GBF1: variants seen among roughly 807,000 people sequenced by gnomAD.
GBF1 encodes golgi brefeldin A resistant guanine nucleotide exchange factor 1.
A neutral mutation model predicts 210.5 loss-of-function variants in GBF1; 114 were observed. The ratio of observed to expected loss-of-function variants is 0.54; its 90% CI spans 0.47 to 0.63. GBF1 has a LOEUF of 0.63. GBF1 is among the 30% of genes least tolerant of loss of function. The pLI is 0.00. For missense variants in GBF1, 1,851 were observed against 2,357.7 expected, an observed-to-expected ratio of 0.79 and a Z score of 4.45; for synonymous variants, 850 against 889.2, an observed-to-expected ratio of 0.96 and a Z score of 0.78.
At chr10:102,247,485 T>G (rs1341636331) in intron 1 of GBF1, among the ~76,000 whole-genome samples, 1 of 152,330 alleles carries the variant, frequency 6.6e-6, no homozygotes, top group East Asian at 1.9e-4. Context: ...TTGATGATCC[T>G]GCCTTGCTCA....
chr10:102,232,510 C>T, the GBF1 span, among the ~76,000 whole-genome samples: 1 of 152,122 alleles, frequency 6.6e-6, no homozygotes, highest in Non-Finnish European at 1.5e-5. Context: ...TGGTAAAATC[C>T]CGTCCCTACT....
intron 3 of GBF1, among the ~76,000 whole-genome samples, chr10:102,281,911 T>C (rs2075521977): frequency 6.6e-6 from 1 of 151,632 alleles, no homozygotes; most frequent in African/African-American, 2.4e-5. Flanking sequence ...TTCTTTTTCT[T>C]TTCTTTTTTC....
intron 3 of GBF1, among the ~76,000 whole-genome samples, chr10:102,329,934 C>A (rs894433210): frequency 2.0e-5 from 3 of 150,720 alleles, no homozygotes; most frequent in African/African-American, 7.3e-5. Flanking sequence ...CATAGCAAGA[C>A]CCCCTATCTA....
the GBF1 span, chr10:102,232,117 C>T: frequency 1.5e-6 from 2 of 1,315,722 alleles, no homozygotes; most frequent in Non-Finnish European, 2.2e-6. Flanking sequence ...AGACACAGAC[C>T]AGGGTAATGG....
chr10:102,240,880 A>G (rs1590409176), upstream of GBF1, among the ~76,000 whole-genome samples: 1 of 152,196 alleles, frequency 6.6e-6, no homozygotes, highest in Non-Finnish European at 1.5e-5. Flanking sequence ...CCCGGCTCCC[A>G]GCCCCAGGAG....
At chr10:102,236,712 G>C in the GBF1 span, among the ~76,000 whole-genome samples, 2 of 152,236 alleles carry the variant, frequency 1.3e-5, no homozygotes, top group Non-Finnish European at 2.9e-5. Context: ...AAGTCCTGAA[G>C]CCAGAGAGGT....
chr10:102,274,049 CA>C (rs1479419793), intron 3 of GBF1, among the ~76,000 whole-genome samples: 2 of 152,074 alleles, frequency 1.3e-5, no homozygotes, highest in Non-Finnish European at 2.9e-5. Context: ...GGAAGTTCAA[CA>C]AATATTTGTT....
chr10:102,234,721 T>G, the GBF1 span, among the ~76,000 whole-genome samples: 3 of 152,070 alleles, frequency 2.0e-5, no homozygotes, highest in Admixed American at 1.3e-4. Context: ...GGAAGCAACA[T>G]GGAGCTGGGA....
At chr10:102,322,631 T>C (rs541263156) in intron 3 of GBF1, among the ~76,000 whole-genome samples, 3 of 149,354 alleles carry the variant, frequency 2.0e-5, no homozygotes, top group Non-Finnish European at 4.4e-5. Context: ...CCTGTAATTC[T>C]AGCACTTTGG....
At chr10:102,335,225 G>A (rs182309709) in intron 3 of GBF1, among the ~76,000 whole-genome samples, 1 of 152,170 alleles carries the variant, frequency 6.6e-6, no homozygotes, top group Admixed American at 6.5e-5. Flanking sequence ...TCCCCTCCTT[G>A]TGCCCTTTTT....
At position 102,381,169 on chromosome 10, in the gene GBF1, C is replaced by A; in HGVS notation, c.5216C>A (p.Ser1739Ter). Residue 1739 changes from serine to a stop codon, truncating the protein, a stop_gained, in exon 39 of 40, where the codon TCA (serine) becomes TAA (stop). Transcript: ENST00000369983. LOFTEE classifies it high-confidence loss of function. ...MEPQGQKPLA[S>*]AHLTSAAGDT... is the part of the protein sequence containing the mutation. ...CCTCAAGGCCAAAAGCCTCTCGCCTCAGCCCACCTGACTTCCGCTGCTGGC... is the reference window on the plus strand; with the variant it reads ...CCTCAAGGCCAAAAGCCTCTCGCCTAAGCCCACCTGACTTCCGCTGCTGGC... 1 of 1,613,926 alleles carries A rather than the reference C, an allele frequency of 6.2e-7. No homozygotes were observed. Among genetic ancestry groups the A allele is most frequent in the South Asian group, 1.1e-5 (1 of 91,076 alleles).
chr10:102,334,470 A>G (rs2057575399), intron 3 of GBF1, among the ~76,000 whole-genome samples: 1 of 152,162 alleles, frequency 6.6e-6, no homozygotes, highest in Admixed American at 6.5e-5. Context: ...TGTTTTGTCC[A>G]AGGGCAGTGC....
chr10:102,337,384 A>AC (rs2057841743), intron 3 of GBF1, among the ~76,000 whole-genome samples: 1 of 151,750 alleles, frequency 6.6e-6, no homozygotes, highest in East Asian at 1.9e-4. Flanking sequence ...AAAAAAAAAA[A>AC]AACTATGGGT....
intron 1 of GBF1, among the ~76,000 whole-genome samples, chr10:102,258,424 G>A (rs1395412719): frequency 2.0e-5 from 3 of 149,698 alleles, no homozygotes; most frequent in African/African-American, 7.3e-5. Context: ...TCAAAGTGCT[G>A]GGATTACAGG....
chr10:102,297,825 T>C (rs2077030507), intron 3 of GBF1, among the ~76,000 whole-genome samples: 1 of 152,236 alleles, frequency 6.6e-6, no homozygotes, highest in African/African-American at 2.4e-5. Context: ...AGGCCTTTTA[T>C]AGAATTTTTT....
intron 17 of GBF1, among the ~76,000 whole-genome samples, chr10:102,364,318 G>A (rs971907996): frequency 1.9e-4 from 25 of 134,656 alleles, no homozygotes; most frequent in Admixed American, 4.1e-4. Context: ...TCCACCTACC[G>A]GGTTCAAGCA....
intron 10 of GBF1, 121 bp downstream of exon 10, chr10:102,358,850 C>G (rs2059435225): frequency 3.1e-6 from 2 of 650,966 alleles, no homozygotes; most frequent in Non-Finnish European, 5.4e-6. Flanking sequence ...AAAAGAAGCT[C>G]TGATCTTTCC....
At chr10:102,317,822 G>A (rs1447426023) in intron 3 of GBF1, among the ~76,000 whole-genome samples, 1 of 152,064 alleles carries the variant, frequency 6.6e-6, no homozygotes, top group African/African-American at 2.4e-5. Context: ...TAGAAAATAA[G>A]ATCTAATGAT....
chr10:102,354,802 T>C (rs1589753669), intron 8 of GBF1, among the ~76,000 whole-genome samples: 1 of 152,264 alleles, frequency 6.6e-6, no homozygotes, highest in Non-Finnish European at 1.5e-5. Flanking sequence ...TTCCCCCTTC[T>C]ACCTTATCCT....
Sources: gnomAD v4.1 joint callset for allele counts (sites outside exome capture counted in the v4.1 genomes callset) on GRCh38, gnomAD v4.1.1 for gene constraint, MANE v1.5 for transcripts, NCBI Gene and HGNC (gene_info 2026-07-23, HGNC 2026-07-21) for gene names.